The following ETV6 variants were observed in gnomAD, a reference collection of about 807,000 sequenced individuals.
ETV6 encodes transcription factor ETV6.
Under a neutral mutation model 51.1 loss-of-function variants are expected in ETV6, and 16 were observed. That is an observed-to-expected ratio of 0.31 (90% confidence interval 0.21 to 0.48). The LOEUF is 0.48. ETV6 is among the 20% of genes least tolerant of loss of function. The pLI is 0.99. For synonymous variants in ETV6, 240 were observed against 224.1 expected, an observed-to-expected ratio of 1.07 and a Z score of -0.64; for missense variants, 458 against 594.8, an observed-to-expected ratio of 0.77 and a Z score of 2.39.
chr12:11,650,515 A>AC (rs1156862572), intron 1 of ETV6, among the ~76,000 whole-genome samples: 6 of 133,440 alleles, frequency 4.5e-5, no homozygotes, highest in Non-Finnish European at 6.6e-5. Flanking sequence ...AAAAAAAAAA[A>AC]CCTGCTCCCT....
chr12:11,758,923 T>G (rs75456042), intron 2 of ETV6, among the ~76,000 whole-genome samples: 2 of 152,240 alleles, frequency 1.3e-5, no homozygotes, highest in Admixed American at 1.3e-4. Flanking sequence ...ATCCAAATGC[T>G]TGAAGCTTTC....
intron 2 of ETV6, among the ~76,000 whole-genome samples, chr12:11,807,851 TC>T (rs1945851977): frequency 6.6e-6 from 1 of 152,208 alleles, no homozygotes; most frequent in Non-Finnish European, 1.5e-5. Context: ...AATCACCCTT[TC>T]TCCTGGTAAC....
intron 1 of ETV6, among the ~76,000 whole-genome samples, chr12:11,735,169 G>A (rs942774941): frequency 4.3e-5 from 6 of 139,800 alleles, no homozygotes; most frequent in African/African-American, 8.2e-5. Context: ...TGTGTACCAG[G>A]GTTTACCTGC....
chr12:11,805,067 C>G (rs901739740), intron 2 of ETV6, among the ~76,000 whole-genome samples: 1 of 152,190 alleles, frequency 6.6e-6, no homozygotes, highest in Non-Finnish European at 1.5e-5. Flanking sequence ...AATGTCCTTT[C>G]ATCTGCAAGG....
intron 1 of ETV6, among the ~76,000 whole-genome samples, chr12:11,679,030 T>G (rs568098744): frequency 7.0e-4 from 107 of 152,296 alleles, no homozygotes; most frequent in African/African-American, 2.3e-3. Flanking sequence ...AGAAATAATG[T>G]GTAATCTGGG....
At chr12:11,854,206 C>T (rs1298359145) in intron 4 of ETV6, among the ~76,000 whole-genome samples, 1 of 151,758 alleles carries the variant, frequency 6.6e-6, no homozygotes, top group Non-Finnish European at 1.5e-5. Context: ...TTCATGATAG[C>T]GTTTGTGCTT....
chr12:11,815,996 G>A (rs540557081), intron 2 of ETV6, among the ~76,000 whole-genome samples: 13 of 152,254 alleles, frequency 8.5e-5, no homozygotes, highest in Admixed American at 2.6e-4. Context: ...AAAGTGACCC[G>A]TAAGGAATAT....
chr12:11,753,752 C>T (rs1031642570), intron 2 of ETV6, among the ~76,000 whole-genome samples: 3 of 152,218 alleles, frequency 2.0e-5, no homozygotes, highest in Admixed American at 1.3e-4. Flanking sequence ...TGCCTTCTGC[C>T]CCAGAGGGCA....
Position 11,734,811 on chromosome 12 carries a change from G to C in ETV6, c.34-17639G>C, listed in dbSNP as rs138854425. Reference sequence around the variant, plus strand: ...GTCACACAGTAAGTGCTAGAGCCAAGAGGCAAAGTAAGCCTGGATGCTTCC... The same window carrying C: ...GTCACACAGTAAGTGCTAGAGCCAACAGGCAAAGTAAGCCTGGATGCTTCC... On this transcript the variant is annotated intron_variant, in intron 1 of 7. Transcript: ENST00000396373. 1.9e-3 allele frequency among the ~76,000 whole-genome samples: 291 copies of C among 152,260 alleles called. 1 individual carries two copies. Among genetic ancestry groups the C allele is most frequent in the African/African-American group, 6.8e-3 (281 of 41,556 alleles).
intron 1 of ETV6, among the ~76,000 whole-genome samples, chr12:11,693,878 A>G (rs74062387): frequency 8.5e-4 from 130 of 152,316 alleles, no homozygotes; most frequent in African/African-American, 3.0e-3. Flanking sequence ...ATTTCAGGGA[A>G]GAGTACCAGA....
intron 3 of ETV6, among the ~76,000 whole-genome samples, chr12:11,847,495 T>C (rs900651006): frequency 2.6e-5 from 4 of 152,154 alleles, no homozygotes; most frequent in Admixed American, 2.0e-4. Flanking sequence ...ACCTTACTAC[T>C]GAAGGGCTGG....
At chr12:11,763,943 C>T (rs376166643) in intron 2 of ETV6, among the ~76,000 whole-genome samples, 10 of 152,320 alleles carry the variant, frequency 6.6e-5, no homozygotes, top group African/African-American at 2.2e-4. Flanking sequence ...GAATGTTATA[C>T]TTAAGCAGGG....
intron 2 of ETV6, among the ~76,000 whole-genome samples, chr12:11,782,232 C>T (rs997290103): frequency 1.2e-4 from 18 of 152,118 alleles, no homozygotes; most frequent in South Asian, 2.1e-4. Flanking sequence ...AATCTAAAAC[C>T]TTCTACTTCA....
chr12:11,766,210 T>C (rs1945159210), intron 2 of ETV6, among the ~76,000 whole-genome samples: 1 of 152,198 alleles, frequency 6.6e-6, no homozygotes, highest in Non-Finnish European at 1.5e-5. Context: ...TTGAAGCAGC[T>C]CTGCTCAAAG....
intron 1 of ETV6, among the ~76,000 whole-genome samples, chr12:11,689,811 C>CG (rs1864715624): frequency 9.6e-5 from 2 of 20,766 alleles, no homozygotes; most frequent in Non-Finnish European, 1.7e-4. Context: ...TTTTTCCCTC[C>CG]CCCCCCCCCC....
In ETV6 at chr12:11,891,125, C is replaced by T; in HGVS notation, c.*79C>T. On this transcript the variant is annotated 3_prime_UTR_variant, in exon 8 of 8. Coordinates refer to ENST00000396373, the MANE Select transcript of ETV6 (RefSeq NM_001987.5). ...CAGGATTGCTGGAAGTGTGACGGAG[C>T]AGGCGGGCTGAGGAGAGTGGAAAAG... 6 of 1,184,824 alleles carry T rather than the reference C, an allele frequency of 5.1e-6. No individual in the cohort carries two copies. Among genetic ancestry groups the T allele is most frequent in the Non-Finnish European group, 7.5e-6 (6 of 804,986 alleles). 73.4% of individuals were successfully genotyped at this position (1,184,824 alleles called of 1,614,324 possible).
At chr12:11,868,450 T>C (rs1338803128) in intron 4 of ETV6, among the ~76,000 whole-genome samples, 3 of 149,702 alleles carry the variant, frequency 2.0e-5, no homozygotes, top group African/African-American at 7.3e-5. Flanking sequence ...TTTTTTTTTT[T>C]TTTTTGAGAC....
At chr12:11,851,588 G>C (rs1191723539) in intron 3 of ETV6, among the ~76,000 whole-genome samples, 1 of 152,168 alleles carries the variant, frequency 6.6e-6, no homozygotes, top group Non-Finnish European at 1.5e-5. Context: ...CTTATACATA[G>C]CAGTTTCAAA....
intron 1 of ETV6, among the ~76,000 whole-genome samples, chr12:11,739,843 C>T (rs773202332): frequency 5.9e-5 from 9 of 152,128 alleles, no homozygotes; most frequent in East Asian, 5.8e-4. Flanking sequence ...TGGGACAGTG[C>T]GAGTCTAGAC....
Sources: gnomAD v4.1 joint callset for allele counts (sites outside exome capture counted in the v4.1 genomes callset) on GRCh38, gnomAD v4.1.1 for gene constraint, MANE v1.5 for transcripts, NCBI Gene and HGNC (gene_info 2026-07-23, HGNC 2026-07-21) for gene names.